The following GPHN variants were observed in gnomAD, a reference collection of about 807,000 sequenced individuals.
GPHN encodes gephyrin.
GPHN carries 17 observed loss-of-function variants against 95.5 expected under a neutral mutation model. The observed-to-expected ratio is 0.18, with a 90% CI of 0.12 to 0.27. GPHN has a LOEUF of 0.27. GPHN is among the 10% of genes least tolerant of loss of function. The pLI is 1.00. For synonymous variants in GPHN, 320 were observed against 322.5 expected, an observed-to-expected ratio of 0.99 and a Z score of 0.08; for missense variants, 660 against 978.1, an observed-to-expected ratio of 0.67 and a Z score of 4.34.
At chr14:67,039,533 C>T (rs992901333) in intron 10 of GPHN, among the ~76,000 whole-genome samples, 1 of 152,204 alleles carries the variant, frequency 6.6e-6, no homozygotes, top group Non-Finnish European at 1.5e-5. Context: ...GTGGCTTGTG[C>T]CTGTAATCCC....
the GPHN span, among the ~76,000 whole-genome samples, chr14:67,206,426 G>A: frequency 6.6e-6 from 1 of 152,074 alleles, no homozygotes. Flanking sequence ...AAACCGGGAG[G>A]TGGAGGTTGC....
intron 2 of GPHN, among the ~76,000 whole-genome samples, chr14:66,769,582 C>T (rs1307467748): frequency 5.3e-5 from 8 of 152,056 alleles, no homozygotes; most frequent in African/African-American, 1.7e-4. Flanking sequence ...TGGTATTTGG[C>T]TTTCTGTTCT....
chr14:67,255,457 T>C, the GPHN span, among the ~76,000 whole-genome samples: 1 of 152,204 alleles, frequency 6.6e-6, no homozygotes, highest in African/African-American at 2.4e-5. Context: ...ACTGCTTTCT[T>C]ACATTTTAAA....
the GPHN span, among the ~76,000 whole-genome samples, chr14:67,230,905 C>T: frequency 5.9e-5 from 9 of 152,240 alleles, no homozygotes; most frequent in East Asian, 1.9e-4. Context: ...AAATTGCATG[C>T]GATTCTAAGT....
intron 9 of GPHN, among the ~76,000 whole-genome samples, chr14:66,996,862 G>C (rs1489918636): frequency 6.6e-6 from 1 of 151,718 alleles, no homozygotes. Flanking sequence ...CATGAAATTT[G>C]GCCTATTTTC....
chr14:67,281,172 C>CA, the GPHN span, among the ~76,000 whole-genome samples: 1 of 152,056 alleles, frequency 6.6e-6, no homozygotes, highest in East Asian at 1.9e-4. Context: ...GCTGGGATTA[C>CA]AGGTGTGAGC....
Position 67,004,411 on chromosome 14 carries a change from T to C in GPHN, c.964-19222T>C, listed in dbSNP as rs554464562. 1.6e-3 allele frequency among the ~76,000 whole-genome samples: 244 copies of C among 151,952 alleles called. 2 individuals are homozygous for C. Among genetic ancestry groups the C allele is most frequent in the African/African-American group, 5.8e-3 (241 of 41,546 alleles). On this transcript the variant is annotated intron_variant, in intron 9 of 22. Coordinates refer to ENST00000478722, the MANE Select transcript of GPHN (RefSeq NM_020806.5). Reference sequence around the variant, plus strand: ...CATTGCTACAGAGTAGATATTGCCATATTAAGCATATAGAGAATGTTGCAA... The same window carrying C: ...CATTGCTACAGAGTAGATATTGCCACATTAAGCATATAGAGAATGTTGCAA...
the GPHN span, among the ~76,000 whole-genome samples, chr14:67,341,019 C>T: frequency 5.9e-5 from 9 of 152,170 alleles, no homozygotes; most frequent in Non-Finnish European, 1.2e-4. Context: ...GATCTCGGCT[C>T]GCTACAACCT....
the GPHN span, among the ~76,000 whole-genome samples, chr14:67,439,336 G>A: frequency 6.6e-6 from 1 of 152,258 alleles, no homozygotes; most frequent in South Asian, 2.1e-4. Flanking sequence ...ATCAGTATGT[G>A]TCCTCTAGAA....
At chr14:66,919,544 A>G (rs1021438658) in intron 6 of GPHN, among the ~76,000 whole-genome samples, 3 of 152,172 alleles carry the variant, frequency 2.0e-5, no homozygotes, top group Non-Finnish European at 4.4e-5. Context: ...CCCTCCCCAT[A>G]AATTCAAGAT....
intron 9 of GPHN, among the ~76,000 whole-genome samples, chr14:67,016,770 A>T (rs1362087488): frequency 6.6e-6 from 1 of 152,120 alleles, no homozygotes; most frequent in Non-Finnish European, 1.5e-5. Flanking sequence ...TTTAGTCTAG[A>T]AGTTGGCAAT....
chr14:67,351,127 G>A, the GPHN span, among the ~76,000 whole-genome samples: 1 of 152,186 alleles, frequency 6.6e-6, no homozygotes, highest in Admixed American at 6.5e-5. Flanking sequence ...GCTGGGTAGG[G>A]AGTTGCCTTC....
chr14:67,013,973 A>T (rs1300687847), intron 9 of GPHN, among the ~76,000 whole-genome samples: 1 of 152,092 alleles, frequency 6.6e-6, no homozygotes, highest in Non-Finnish European at 1.5e-5. Context: ...TATTGACTGT[A>T]TCTATTCCTT....
chr14:66,551,654 T>A (rs1228789975), intron 1 of GPHN, among the ~76,000 whole-genome samples: 1 of 152,214 alleles, frequency 6.6e-6, no homozygotes, highest in African/African-American at 2.4e-5. Context: ...GAAAAGAGGT[T>A]TAATTGGCTC....
chr14:67,562,956 G>A, the GPHN span: 21 of 1,525,622 alleles, frequency 1.4e-5, no homozygotes, highest in Non-Finnish European at 1.7e-5. Flanking sequence ...ACTGCTGGCT[G>A]AGCACAGCCA....
intron 3 of GPHN, among the ~76,000 whole-genome samples, chr14:66,780,302 T>C (rs2059559031): frequency 6.6e-6 from 1 of 152,128 alleles, no homozygotes; most frequent in East Asian, 1.9e-4. Flanking sequence ...GTAATTGATA[T>C]TAAGGTTTGT....
intron 1 of GPHN, among the ~76,000 whole-genome samples, chr14:66,617,596 T>A (rs373420314): frequency 6.6e-6 from 1 of 152,140 alleles, no homozygotes; most frequent in Non-Finnish European, 1.5e-5. Context: ...GGATTCACAG[T>A]CTTATTATGA....
chr14:67,690,575 G>A, the GPHN span: 2 of 646,476 alleles, frequency 3.1e-6, no homozygotes, highest in Non-Finnish European at 5.4e-6. Context: ...GTTTAATGAA[G>A]GTTTAGGGAA....
At chr14:66,870,796 A>G (rs1397372756) in intron 4 of GPHN, among the ~76,000 whole-genome samples, 1 of 152,188 alleles carries the variant, frequency 6.6e-6, no homozygotes, top group Non-Finnish European at 1.5e-5. Flanking sequence ...ATCCATTCCT[A>G]GTTATGATAC....
Sources: allele counts gnomAD v4.1 joint callset (sites outside exome capture counted in the v4.1 genomes callset), GRCh38; gene constraint gnomAD v4.1.1; transcripts MANE v1.5; gene names NCBI Gene and HGNC (gene_info 2026-07-23, HGNC 2026-07-21).